The following NECTIN3 variants were observed in gnomAD, a reference collection of about 807,000 sequenced individuals.
NECTIN3 encodes nectin-3.
A neutral mutation model predicts 49.4 loss-of-function variants in NECTIN3; 8 were observed. The ratio of observed to expected loss-of-function variants is 0.16; its 90% CI spans 0.10 to 0.29. The LOEUF is 0.29. Ranked by LOEUF, NECTIN3 falls within the 10% of genes least tolerant of loss-of-function variation. The pLI is 1.00. For missense variants in NECTIN3, 581 were observed against 654.6 expected, an observed-to-expected ratio of 0.89 and a Z score of 1.23; for synonymous variants, 277 against 241.1, an observed-to-expected ratio of 1.15 and a Z score of -1.38.
At position 111,072,151 on chromosome 3, in the gene NECTIN3, C is replaced by T. The variant is rs1158522406; in HGVS notation, c.134C>T (p.Pro45Leu). The change falls in exon 1 of 6, where the codon CCG (proline) becomes CTG (leucine). Residue 45 changes from proline (P) to leucine (L), a missense_variant. By Grantham distance (98) the Pro-to-Leu change is moderately conservative. This residue lies in a region of NECTIN3 where 109 missense variants were observed against 69.1 expected (regional missense o/e 1.58). Coordinates refer to ENST00000485303, the MANE Select transcript of NECTIN3 (RefSeq NM_015480.3). ...CCTCCGCTGCTGCTGCTGCTCTTCC[C>T]GCTGCTGCTCTTCTCCAGGCTCTGT... ...TPPPLLLLLF[P>L]LLLFSRLCGA... 2.6e-6 allele frequency: 4 copies of T among 1,552,322 alleles called. No individual in the cohort carries two copies. Among genetic ancestry groups the T allele is most frequent in the African/African-American group, 1.4e-5 (1 of 73,098 alleles).
intron 7 of NECTIN3, among the ~76,000 whole-genome samples, chr3:111,187,119 G>A (rs912945873): frequency 1.3e-5 from 2 of 152,162 alleles, no homozygotes; most frequent in African/African-American, 4.8e-5. Flanking sequence ...CAGTTTGGCA[G>A]TTTCTTAAAA....
chr3:111,090,541 C>T (rs73852401), intron 1 of NECTIN3, among the ~76,000 whole-genome samples: 4,860 of 142,128 alleles, frequency 0.034, 89 homozygotes, highest in Middle Eastern at 0.059. Flanking sequence ...CTCATTCTGC[C>T]GTTAGTGCTA....
chr3:111,072,118 C>G lies in NECTIN3; in HGVS notation c.101C>G (p.Pro34Arg), dbSNP rs1369937785. ...GGAGCCGGGCTCCTGCTGCAGCCCC[C>G]GACGCCACCTCCGCTGCTGCTGCTG... ...LLGAGLLLQP[P>R]TPPPLLLLLF... The change falls in exon 1 of 6, where the codon CCG (proline) becomes CGG (arginine). Residue 34 changes from proline (P) to arginine (R), a missense_variant. Coordinates refer to ENST00000485303, the MANE Select transcript of NECTIN3 (RefSeq NM_015480.3). The G allele has an allele frequency of 5.2e-6, 8 of 1,549,612 alleles. No homozygotes were observed. The highest frequency in any genetic ancestry group is 2.4e-5 in the South Asian group (2 of 83,798).
chr3:111,141,153 T>C (rs1456497413), downstream of NECTIN3, among the ~76,000 whole-genome samples: 1 of 151,918 alleles, frequency 6.6e-6, no homozygotes, highest in African/African-American at 2.4e-5. Flanking sequence ...GACATAAATG[T>C]TCATGTGGAT....
intron 7 of NECTIN3, among the ~76,000 whole-genome samples, chr3:111,182,282 C>T (rs1391176744): frequency 6.6e-6 from 1 of 151,984 alleles, no homozygotes; most frequent in Non-Finnish European, 1.5e-5. Flanking sequence ...TTTATGTGTA[C>T]TGAAACTAAC....
intron 7 of NECTIN3, among the ~76,000 whole-genome samples, chr3:111,173,738 A>G (rs907014508): frequency 5.3e-5 from 8 of 152,298 alleles, no homozygotes; most frequent in Admixed American, 5.2e-4. Context: ...TTCATAGACA[A>G]ACAATATCCT....
intron 1 of NECTIN3, among the ~76,000 whole-genome samples, chr3:111,089,723 C>G (rs1200387502): frequency 6.6e-6 from 1 of 151,858 alleles, no homozygotes; most frequent in Admixed American, 6.6e-5. Context: ...AAAAAATTGC[C>G]TTTGTTGGGT....
chr3:111,163,616 T>A (rs2035262256), intron 7 of NECTIN3, among the ~76,000 whole-genome samples: 1 of 152,238 alleles, frequency 6.6e-6, no homozygotes, highest in Non-Finnish European at 1.5e-5. Flanking sequence ...ATTTACCTTA[T>A]ATTTGCATTG....
chr3:111,149,743 A>G, intron 7 of NECTIN3, among the ~76,000 whole-genome samples: 1 of 151,722 alleles, frequency 6.6e-6, no homozygotes, highest in East Asian at 1.9e-4. Context: ...TTAGGAATAT[A>G]ATCTATTTGC....
Position 111,135,561 on chromosome 3 carries a change from G to A in NECTIN3, c.*1346G>A, listed in dbSNP as rs2034548641. 1 of 979,268 alleles carries A rather than the reference G, an allele frequency of 1.0e-6. No individual in the cohort carries two copies. Among genetic ancestry groups the A allele is most frequent in the Non-Finnish European group, 1.2e-6 (1 of 824,568 alleles). 60.7% of individuals were successfully genotyped at this position (979,268 alleles called of 1,614,324 possible). A position where few individuals can be genotyped will look rare whatever the true frequency, so the allele number is the denominator to read the frequency against. On this transcript the variant is annotated 3_prime_UTR_variant, in exon 6 of 6. Transcript: ENST00000485303. ...CAACTATTTTGAAGCTGAAAGGATA[G>A]TTTTTCTATTGCTAAGTCATTTGAA...
rs1019578505 is a variant in NECTIN3 at position 111,126,215 on chromosome 3, G to C, written c.949G>C (p.Ala317Pro). The change falls in exon 5 of 6, where the codon GCT (alanine) becomes CCT (proline). Residue 317 changes from alanine (A) to proline (P), a missense_variant. Coordinates refer to ENST00000485303, the MANE Select transcript of NECTIN3 (RefSeq NM_015480.3). ...TGGACAATGGCCTGATGGTTTATTG[G>C]CTTCAGACAATACTCTTCATTTTGT... is the stretch of plus-strand genomic sequence containing the variant. ...LDGQWPDGLL[A>P]SDNTLHFVHP... is the part of the protein sequence containing the mutation. The C allele has an allele frequency of 3.1e-6, 5 of 1,603,280 alleles. No individual in the cohort carries two copies. The highest frequency in any genetic ancestry group is 4.2e-6 in the Non-Finnish European group (5 of 1,176,658).
chr3:111,114,966 C>T (rs2033629753), intron 2 of NECTIN3, among the ~76,000 whole-genome samples: 1 of 152,154 alleles, frequency 6.6e-6, no homozygotes, highest in African/African-American at 2.4e-5. Flanking sequence ...AACCAACCCT[C>T]ACCCCACCGC....
intron 7 of NECTIN3, among the ~76,000 whole-genome samples, chr3:111,185,522 A>C (rs978854870): frequency 6.6e-6 from 1 of 152,212 alleles, no homozygotes; most frequent in Admixed American, 6.5e-5. Context: ...AAAATGTATC[A>C]CTTGTCAGTA....
At position 111,160,574 on chromosome 3, in the gene NECTIN3, A is replaced by G. The variant is rs1177670284; in HGVS notation, c.1221+13090A>G. Among the ~76,000 whole-genome samples the G allele has an allele frequency of 2.6e-5, 4 of 152,252 alleles. No homozygotes were observed. The East Asian group carries it at 7.7e-4, about 29-fold the overall frequency. On this transcript the variant is annotated intron_variant, in intron 7 of 8. Transcript: ENST00000493615. ...ATATTTCATATCAACTCTTTTTTAC[A>G]TGATTTTTTTTAACTTTATGTATTT... is the stretch of plus-strand genomic sequence containing the variant.
chr3:111,116,163 T>C (rs762782599), intron 2 of NECTIN3, among the ~76,000 whole-genome samples: 9 of 152,048 alleles, frequency 5.9e-5, no homozygotes, highest in Non-Finnish European at 1.2e-4. Context: ...GGCTGATTAT[T>C]TATTTAAAGG....
intron 7 of NECTIN3, among the ~76,000 whole-genome samples, chr3:111,162,002 C>T (rs1007897853): frequency 2.6e-5 from 4 of 152,166 alleles, no homozygotes; most frequent in African/African-American, 9.7e-5. Context: ...CGCAACTTAG[C>T]AGATCTGTAT....
chr3:111,089,468 A>T (rs1438724527), intron 1 of NECTIN3, among the ~76,000 whole-genome samples: 1 of 149,796 alleles, frequency 6.7e-6, no homozygotes, highest in Non-Finnish European at 1.5e-5. Flanking sequence ...CATATATGTA[A>T]TTTTTTTTCC....
chr3:111,101,979 A>G (rs996407488), intron 1 of NECTIN3, among the ~76,000 whole-genome samples: 1 of 152,160 alleles, frequency 6.6e-6, no homozygotes, highest in African/African-American at 2.4e-5. Context: ...TTCAAGGTAT[A>G]GCTTAAATGT....
upstream of NECTIN3, among the ~76,000 whole-genome samples, chr3:111,188,203 C>T (rs1442216179): frequency 6.6e-6 from 1 of 152,176 alleles, no homozygotes; most frequent in East Asian, 1.9e-4. Flanking sequence ...ATTTAAGTTC[C>T]TTATGTATTG....
Sources: gnomAD v4.1 joint callset for allele counts (sites outside exome capture counted in the v4.1 genomes callset) on GRCh38, gnomAD v4.1.1 for gene constraint, gnomAD v4.1.1 regional missense constraint, MANE v1.5 for transcripts, NCBI Gene and HGNC (gene_info 2026-07-23, HGNC 2026-07-21) for gene names.